TUSC3: variants seen among roughly 807,000 people sequenced by gnomAD.
TUSC3 encodes tumor suppressor candidate 3, also known as dolichyl-diphosphooligosaccharide--protein glycosyltransferase subunit TUSC3.
Under a neutral mutation model 44.8 loss-of-function variants are expected in TUSC3, and 45 were observed. That is an observed-to-expected ratio of 1.00 (90% CI 0.79 to 1.29). The LOEUF is 1.29. Among genes scored for constraint, TUSC3 ranks in the 50% most tolerant of loss-of-function variants. TUSC3 has a pLI of 0.00. For missense variants in TUSC3, 519 were observed against 437.9 expected (o/e 1.19, Z -1.65); for synonymous variants, 212 against 152.9 (o/e 1.39, Z -2.85).
At chr8:15,654,160 A>T (rs879347274) in intron 3 of TUSC3, among the ~76,000 whole-genome samples, 1 of 152,216 alleles carries the variant, frequency 6.6e-6, no homozygotes, top group African/African-American at 2.4e-5. Context: ...ATTAGGTCTT[A>T]GTATGGATTT....
intron 5 of TUSC3, among the ~76,000 whole-genome samples, chr8:15,673,544 A>T (rs1808048143): frequency 6.6e-6 from 1 of 152,092 alleles, no homozygotes; most frequent in African/African-American, 2.4e-5. Flanking sequence ...CTGGCATACC[A>T]ATTTTATAGA....
the TUSC3 span, among the ~76,000 whole-genome samples, chr8:15,791,357 A>T: frequency 1.3e-5 from 2 of 152,162 alleles, no homozygotes; most frequent in African/African-American, 4.8e-5. Context: ...CCATAGTGGT[A>T]AAAAGTAGTA....
intron 2 of TUSC3, among the ~76,000 whole-genome samples, chr8:15,638,671 A>G (rs1204892037): frequency 6.6e-6 from 1 of 151,766 alleles, no homozygotes; most frequent in Admixed American, 6.6e-5. Flanking sequence ...GATTACAGAC[A>G]TGTGGTACCA....
the TUSC3 span, among the ~76,000 whole-genome samples, chr8:15,797,624 C>A: frequency 2.6e-5 from 4 of 152,300 alleles, no homozygotes; most frequent in South Asian, 6.2e-4. Context: ...CGTGCTAAAT[C>A]CTGACCTGCT....
chr8:15,482,052 C>T (rs1209728618), intron 1 of TUSC3, among the ~76,000 whole-genome samples: 1 of 152,178 alleles, frequency 6.6e-6, no homozygotes, highest in Non-Finnish European at 1.5e-5. Context: ...CATTTGTTGT[C>T]ATCTCAACAA....
intron 2 of TUSC3, among the ~76,000 whole-genome samples, chr8:15,632,119 A>G (rs982022845): frequency 6.6e-6 from 1 of 152,296 alleles, no homozygotes; most frequent in African/African-American, 2.4e-5. Flanking sequence ...TTTGTCTCCA[A>G]AATGTCTTTT....
chr8:15,796,956 A>G, the TUSC3 span, among the ~76,000 whole-genome samples: 1,623 of 152,312 alleles, frequency 0.011, 33 homozygotes, highest in African/African-American at 0.037. Flanking sequence ...AAAGGGCGTT[A>G]TAATTTGCTA....
intron 5 of TUSC3, among the ~76,000 whole-genome samples, chr8:15,664,472 T>C (rs73665471): frequency 0.047 from 5,863 of 124,850 alleles, 144 homozygotes; most frequent in African/African-American, 0.08. Context: ...TTATTATTAT[T>C]ATTATTATTT....
chr8:15,698,414 A>C (rs771367372), intron 6 of TUSC3, among the ~76,000 whole-genome samples: 1 of 152,226 alleles, frequency 6.6e-6, no homozygotes, highest in Non-Finnish European at 1.5e-5. Flanking sequence ...ATTGTGTTTG[A>C]GACTTGATTT....
At chr8:15,763,228 C>A (rs555808711) in intron 10 of TUSC3, among the ~76,000 whole-genome samples, 2 of 151,724 alleles carry the variant, frequency 1.3e-5, no homozygotes, top group African/African-American at 4.8e-5. Flanking sequence ...AATATTAGCA[C>A]GAAAAGAACT....
intron 9 of TUSC3, among the ~76,000 whole-genome samples, chr8:15,756,533 CT>C (rs985958487): frequency 1.3e-5 from 2 of 151,724 alleles, no homozygotes; most frequent in Admixed American, 6.6e-5. Context: ...ATGTGTTTGT[CT>C]TTTTTTTCTA....
At chr8:15,615,024 G>A (rs1190553861) in intron 1 of TUSC3, among the ~76,000 whole-genome samples, 1 of 150,534 alleles carries the variant, frequency 6.6e-6, no homozygotes, top group African/African-American at 2.4e-5. Flanking sequence ...ATGTGAATTA[G>A]TACAGCCATT....
At chr8:15,593,244 C>T (rs1169385763) in intron 1 of TUSC3, among the ~76,000 whole-genome samples, 1 of 152,000 alleles carries the variant, frequency 6.6e-6, no homozygotes, top group African/African-American at 2.4e-5. Context: ...TGCCACCACA[C>T]CTGGCTAATT....
the TUSC3 span, among the ~76,000 whole-genome samples, chr8:15,850,648 T>C: frequency 1.3e-5 from 2 of 152,106 alleles, no homozygotes; most frequent in African/African-American, 4.8e-5. Flanking sequence ...AAATTGTCAC[T>C]CAACATTAAT....
the TUSC3 span, among the ~76,000 whole-genome samples, chr8:15,794,647 G>C: frequency 6.6e-6 from 1 of 151,982 alleles, no homozygotes; most frequent in South Asian, 2.1e-4. Context: ...CCAGTTCTTA[G>C]GCAGCAACAC....
intron 10 of TUSC3, among the ~76,000 whole-genome samples, chr8:15,763,673 T>G (rs1812242959): frequency 6.6e-6 from 1 of 152,082 alleles, no homozygotes; most frequent in African/African-American, 2.4e-5. Flanking sequence ...CATAGTTATC[T>G]TTTACTTTTA....
At chr8:15,470,445 G>T (rs1299581000) in intron 1 of TUSC3, among the ~76,000 whole-genome samples, 1 of 152,136 alleles carries the variant, frequency 6.6e-6, no homozygotes, top group East Asian at 1.9e-4. Context: ...TAAATTATGG[G>T]CTTTGGTTGA....
the TUSC3 span, among the ~76,000 whole-genome samples, chr8:15,833,200 CA>C: frequency 6.6e-6 from 1 of 152,018 alleles, no homozygotes; most frequent in Admixed American, 6.6e-5. Context: ...GCTAAAAAGT[CA>C]AAAAATAACA....
the TUSC3 span, among the ~76,000 whole-genome samples, chr8:15,799,314 A>C: frequency 6.6e-6 from 1 of 152,152 alleles, no homozygotes; most frequent in Non-Finnish European, 1.5e-5. Flanking sequence ...TAATGGTCCC[A>C]AAGTTTCCTC....
Sources: allele counts gnomAD v4.1 joint callset (sites outside exome capture counted in the v4.1 genomes callset), GRCh38; gene constraint gnomAD v4.1.1; transcripts MANE v1.5; gene names NCBI Gene and HGNC (gene_info 2026-07-23, HGNC 2026-07-21).